The following LMX1B variants were observed in gnomAD, a reference collection of about 807,000 sequenced individuals.
The protein encoded by LMX1B is LIM homeobox transcription factor 1-beta.
A neutral mutation model predicts 51.4 loss-of-function variants in LMX1B; 12 were observed. The observed-to-expected ratio is 0.23, with a 90% CI of 0.15 to 0.38. The LOEUF is 0.38. LMX1B is among the 10% of genes least tolerant of loss of function. The pLI, the probability that LMX1B is intolerant of heterozygous loss-of-function variation, is 1.00. For synonymous variants in LMX1B, 237 were observed against 235.4 expected (o/e 1.01, Z -0.06); for missense variants, 445 against 571.1 (o/e 0.78, Z 2.25).
In LMX1B at chr9:126,695,813, G is replaced by T. The variant is rs3737048; in HGVS notation, c.887-26G>T. 0.14 allele frequency: 223,977 copies of T among 1,610,684 alleles called. 19,672 individuals carry two copies. Among genetic ancestry groups the T allele is most frequent in the African/African-American group, 0.37 (27,577 of 74,704 alleles). The stretch of plus-strand genomic sequence containing the variant: ...GCTGGGAGGGCGTGGACCAGGCCAG[G>T]GGGTGAAGGCTCACTGTGCCCCCAG... On this transcript the variant is annotated intron_variant, in intron 6 of 7. Transcript: ENST00000373474. The surrounding 1 kb of genome is among the most constrained non-coding windows in gnomAD (Gnocchi z 5.2).
Position 126,693,571 on chromosome 9 carries a change from C to A in LMX1B, c.789C>A (p.Val263=). Reference sequence around the variant, plus strand: ...AGACGGGCCTCAGTGTGCGCGTGGTCCAGGTCTGGTTTCAGAACCAAAGAG... The same window carrying A: ...AGACGGGCCTCAGTGTGCGCGTGGTACAGGTCTGGTTTCAGAACCAAAGAG... ...AAETGLSVRV[V]QVWFQNQRAK... The change falls in exon 5 of 8, where the codon GTC becomes GTA. Residue 263 remains valine, a synonymous_variant. Transcript: ENST00000373474. The A allele has an allele frequency of 6.2e-7, 1 of 1,614,168 alleles. No homozygotes were observed. The highest frequency in any genetic ancestry group is 8.5e-7 in the Non-Finnish European group (1 of 1,179,994).
At chr9:126,648,360 C>T (rs1228467413) in intron 2 of LMX1B, among the ~76,000 whole-genome samples, 1 of 152,194 alleles carries the variant, frequency 6.6e-6, no homozygotes, top group African/African-American at 2.4e-5. Flanking sequence ...GGTCTGCCCA[C>T]CCTGGCACTG....
chr9:126,661,200 C>G (rs544420924), intron 2 of LMX1B, among the ~76,000 whole-genome samples: 20 of 151,680 alleles, frequency 1.3e-4, no homozygotes, highest in Admixed American at 5.9e-4. Flanking sequence ...AATGTGGACA[C>G]CCCACGCAGG....
chr9:126,644,573 T>C (rs1463630797), intron 2 of LMX1B, among the ~76,000 whole-genome samples: 2 of 152,178 alleles, frequency 1.3e-5, no homozygotes, highest in Non-Finnish European at 2.9e-5. Context: ...CAAAGCCCCA[T>C]GGCCCCCTGC....
chr9:126,676,005 C>T (rs1355031647), intron 2 of LMX1B, among the ~76,000 whole-genome samples: 3 of 144,222 alleles, frequency 2.1e-5, no homozygotes, highest in South Asian at 2.3e-4. Context: ...GCCGAGATCG[C>T]GCCACTGCAC....
chr9:126,668,459 T>TTATTATTAA, intron 2 of LMX1B, among the ~76,000 whole-genome samples: 1 of 151,282 alleles, frequency 6.6e-6, no homozygotes, highest in Middle Eastern at 3.4e-3. Flanking sequence ...ATTATTATTA[T>TTATTATTAA]TATTATTATT....
Position 126,658,498 on chromosome 9 carries a change from A to C in LMX1B, c.327-32338A>C, listed in dbSNP as rs1369245170. On this transcript the variant is annotated intron_variant, in intron 2 of 7. Coordinates refer to ENST00000373474, the MANE Select transcript of LMX1B (RefSeq NM_001174147.2). The surrounding 1 kb of genome is among the most constrained non-coding windows in gnomAD (Gnocchi z 4.0). Reference sequence around the variant, plus strand: ...TGATTAGATTTGGGAAGGACTAATTAGATATAATTCATTATCCTCAAAAAT... The same window carrying C: ...TGATTAGATTTGGGAAGGACTAATTCGATATAATTCATTATCCTCAAAAAT... Among the ~76,000 whole-genome samples, 1 of 152,136 alleles carries C rather than the reference A, an allele frequency of 6.6e-6. No homozygotes were observed. Among genetic ancestry groups the C allele is most frequent in the Non-Finnish European group, 1.5e-5 (1 of 68,038 alleles).
chr9:126,614,439 C>CCCCGCGT lies in LMX1B; in HGVS notation c.-7_-1dup, dbSNP rs1228654218. The CCCCGCGT allele has an allele frequency of 6.7e-7, 1 of 1,491,684 alleles. No homozygotes were observed. Among genetic ancestry groups the CCCCGCGT allele is most frequent in the Non-Finnish European group, 8.9e-7 (1 of 1,119,230 alleles). The allele number at this position is 1,491,684 out of a possible 1,614,324, so 92.4% of individuals were successfully genotyped here. ...CCCGGCCGGCGGGGTCCGCAGCGCGCCCCGCGTCCCATGGATATAGCAACA... is the reference window on the plus strand; with the variant it reads ...CCCGGCCGGCGGGGTCCGCAGCGCGCCCCGCGTCCCGCGTCCCATGGATATAGCAACA... On this transcript the variant is annotated 5_prime_UTR_variant, in exon 1 of 8. Transcript: ENST00000373474.
intron 2 of LMX1B, among the ~76,000 whole-genome samples, chr9:126,653,844 T>G (rs138375688): frequency 6.9e-4 from 105 of 152,116 alleles, no homozygotes; most frequent in African/African-American, 2.4e-3. Flanking sequence ...AAGCTGAACA[T>G]TAGGACGTTG....
chr9:126,641,462 A>G lies in LMX1B; in HGVS notation c.326+25893A>G, dbSNP rs1835807294. On this transcript the variant is annotated intron_variant, in intron 2 of 7. Coordinates refer to ENST00000373474, the MANE Select transcript of LMX1B (RefSeq NM_001174147.2). The surrounding 1 kb of genome is among the most constrained non-coding windows in gnomAD (Gnocchi z 4.1). ...TCATAGCTAATAGCAGGAACAGGACATGAACCCATGTCTGCATATCTTCAT... is the reference window on the plus strand; with the variant it reads ...TCATAGCTAATAGCAGGAACAGGACGTGAACCCATGTCTGCATATCTTCAT... Among the ~76,000 whole-genome samples the G allele has an allele frequency of 6.6e-6, 1 of 152,200 alleles. No individual in the cohort carries two copies. The highest frequency in any genetic ancestry group is 1.5e-5 in the Non-Finnish European group (1 of 68,040).
chr9:126,642,424 G>A (rs1835826003), intron 2 of LMX1B, among the ~76,000 whole-genome samples: 1 of 152,098 alleles, frequency 6.6e-6, no homozygotes, highest in South Asian at 2.1e-4. Flanking sequence ...GAGCTTCAGT[G>A]CCACCCACAC....
In LMX1B at chr9:126,698,405, T is replaced by C. The variant is rs1405020653; in HGVS notation, c.*1954T>C. On this transcript the variant is annotated 3_prime_UTR_variant, in exon 8 of 8. Coordinates refer to ENST00000373474, the MANE Select transcript of LMX1B (RefSeq NM_001174147.2). Reference sequence around the variant, plus strand: ...ACATTGGCCCATTAATGCATCCTCTTTGGGGGACACATTCCAATTGCATTT... The same window carrying C: ...ACATTGGCCCATTAATGCATCCTCTCTGGGGGACACATTCCAATTGCATTT... 2.0e-5 allele frequency: 3 copies of C among 152,364 alleles called. No homozygotes were observed. Among genetic ancestry groups the C allele is most frequent in the African/African-American group, 7.2e-5 (3 of 41,468 alleles). 9.4% of individuals were successfully genotyped at this position (152,364 alleles called of 1,614,324 possible). A position where few individuals can be genotyped will look rare whatever the true frequency, so the allele number is the denominator to read the frequency against.
At chr9:126,669,003 G>A (rs937355524) in intron 2 of LMX1B, among the ~76,000 whole-genome samples, 4 of 152,228 alleles carry the variant, frequency 2.6e-5, no homozygotes, top group South Asian at 2.1e-4. Context: ...GGCCAGACTC[G>A]TTTGCTCTTT....
At chr9:126,650,906 C>T (rs1588280391) in intron 2 of LMX1B, among the ~76,000 whole-genome samples, 1 of 152,326 alleles carries the variant, frequency 6.6e-6, no homozygotes, top group African/African-American at 2.4e-5. Flanking sequence ...TTTTATGGCC[C>T]CTCCTCCCCG....
In LMX1B at chr9:126,695,926, G is replaced by T; in HGVS notation, c.974G>T (p.Ser325Ile). Residue 325 changes from serine (S) to isoleucine (I), a missense_variant, in exon 7 of 8, where the codon AGC (serine) becomes ATC (isoleucine). Transcript: ENST00000373474. This position sits in a 1 kb window ranked among gnomAD's most constrained non-coding sequence, Gnocchi z 5.2. ...PQQQIVAMEQ[S>I]PYGSSDPFQQ... ...CAGCAGATCGTGGCCATGGAACAGA[G>T]CCCCTACGGCAGCAGCGACCCCTTC... 1 of 1,613,380 alleles carries T rather than the reference G, an allele frequency of 6.2e-7. No individual in the cohort carries two copies. The highest frequency in any genetic ancestry group is 1.1e-5 in the South Asian group (1 of 91,068).
At position 126,615,174 on chromosome 9, in the gene LMX1B, C is replaced by T. The variant is rs530892332; in HGVS notation, c.140-209C>T. 6.6e-6 allele frequency among the ~76,000 whole-genome samples: 1 copy of T among 152,088 alleles called. No homozygotes were observed. Among genetic ancestry groups the T allele is most frequent in the African/African-American group, 2.4e-5 (1 of 41,548 alleles). On this transcript the variant is annotated intron_variant, in intron 1 of 7. Transcript: ENST00000373474. This position sits in a 1 kb window ranked among gnomAD's most constrained non-coding sequence, Gnocchi z 6.0. The stretch of plus-strand genomic sequence containing the variant: ...GCGCCGAGCCAAGGCTCGAGGCCCG[C>T]GGCCTCTCCACGCCGGAGCCCGAGG...
chr9:126,693,485 C>A, intron 4 of LMX1B, 39 bp from the exon 5 acceptor site: 1 of 1,606,418 alleles, frequency 6.2e-7, no homozygotes, highest in South Asian at 1.1e-5. Flanking sequence ...CCGTTGCTGC[C>A]CCTGGAGGGC....
intron 7 of LMX1B, 112 bp from the exon 8 acceptor site, chr9:126,696,182 G>A: frequency 8.0e-7 from 1 of 1,251,874 alleles, no homozygotes; most frequent in Non-Finnish European, 1.2e-6. Context: ...GCACTAGTCA[G>A]CAGGCCATCC....
chr9:126,679,361 T>G (rs1456414128), intron 2 of LMX1B, among the ~76,000 whole-genome samples: 1 of 151,902 alleles, frequency 6.6e-6, no homozygotes, highest in Non-Finnish European at 1.5e-5. Context: ...GATGGAGGCA[T>G]GGATGTTTGT....
Sources: gnomAD v4.1 joint callset for allele counts (sites outside exome capture counted in the v4.1 genomes callset) on GRCh38, gnomAD v4.1.1 for gene constraint, Gnocchi (gnomAD v3.1) non-coding constraint, MANE v1.5 for transcripts, NCBI Gene and HGNC (gene_info 2026-07-23, HGNC 2026-07-21) for gene names.